Variants in CEP41 observed in about 807,000 individuals in gnomAD.
CEP41 encodes the protein centrosomal protein of 41 kDa.
In CEP41, 32 loss-of-function variants were observed where a neutral mutation model predicts 44.3. The ratio of observed to expected loss-of-function variants is 0.72; its 90% CI spans 0.54 to 0.97. The LOEUF (loss-of-function observed/expected upper bound fraction) is 0.97. CEP41 is among the 50% of genes least tolerant of loss of function. CEP41 has a pLI of 0.00. For synonymous variants in CEP41, 151 were observed against 168.5 expected (o/e 0.90, Z 0.80); for missense variants, 432 against 455.2 (o/e 0.95, Z 0.46).
chr7:130,441,058 C>T, upstream of CEP41: 1 of 1,407,382 alleles, frequency 7.1e-7, no homozygotes, highest in Non-Finnish European at 1.0e-6. Flanking sequence ...CAGCCGCCTC[C>T]CTATACCCTC....
Position 130,398,853 on chromosome 7 carries a change from G to C in CEP41, c.*38C>G, listed in dbSNP as rs782186720. The C allele has an allele frequency of 1.4e-5, 22 of 1,612,114 alleles. No individual in the cohort carries two copies. Among genetic ancestry groups the C allele is most frequent in the Non-Finnish European group, 1.9e-5 (22 of 1,178,190 alleles). On this transcript the variant is annotated 3_prime_UTR_variant, in exon 11 of 11. Transcript: ENST00000223208. Reference sequence around the variant, plus strand: ...GGGAAATGCTCAGGGGTTCTGAAAAGAGGAAGAACATTTATTTGCCTAAGT... The same window carrying C: ...GGGAAATGCTCAGGGGTTCTGAAAACAGGAAGAACATTTATTTGCCTAAGT...
At chr7:130,429,250 G>A (rs1441733138) in intron 1 of CEP41, among the ~76,000 whole-genome samples, 3 of 152,328 alleles carry the variant, frequency 2.0e-5, no homozygotes, top group Non-Finnish European at 2.9e-5. Flanking sequence ...TAGCTCCAGG[G>A]ATGTCGACCA....
chr7:130,403,633 C>T (rs1796920593), intron 6 of CEP41, among the ~76,000 whole-genome samples: 1 of 152,166 alleles, frequency 6.6e-6, no homozygotes, highest in Admixed American at 6.5e-5. Context: ...TATGCTAAAT[C>T]ACAGATTAGT....
At chr7:130,408,029 A>C (rs1440864369) in intron 5 of CEP41, among the ~76,000 whole-genome samples, 2 of 152,208 alleles carry the variant, frequency 1.3e-5, no homozygotes, top group African/African-American at 4.8e-5. Context: ...AATGCAAGTA[A>C]GATTAAATCG....
chr7:130,420,773 A>G (rs563859033), intron 2 of CEP41: 8 of 469,042 alleles, frequency 1.7e-5, no homozygotes, highest in African/African-American at 2.1e-5. Context: ...CTTCATCTCA[A>G]TAAATAAATA....
chr7:130,417,340 G>A, intron 2 of CEP41: 2 of 1,083,766 alleles, frequency 1.8e-6, no homozygotes, highest in Non-Finnish European at 2.2e-6. Context: ...CACAGAAGAG[G>A]AGCAAAAAGG....
chr7:130,422,070 C>A (rs1400976735), intron 2 of CEP41: 52 of 1,529,918 alleles, frequency 3.4e-5, no homozygotes, highest in Non-Finnish European at 4.2e-5. Context: ...CATGGCTGCA[C>A]TCAGTGTTTG....
intron 9 of CEP41, 84 bp from the exon 10 acceptor site, chr7:130,400,338 A>C (rs181188679): frequency 2.4e-5 from 22 of 932,306 alleles, no homozygotes; most frequent in Admixed American, 3.5e-5. Flanking sequence ...CATGTCTTCT[A>C]ATCTCTGGTC....
At chr7:130,427,844 A>T in intron 2 of CEP41, 111 bp downstream of exon 2, 2 of 730,780 alleles carry the variant, frequency 2.7e-6, no homozygotes, top group Non-Finnish European at 4.8e-6. Flanking sequence ...GACATCAGGC[A>T]AAACAGTGAG....
intron 2 of CEP41, chr7:130,421,834 C>T (rs535399505): frequency 7.1e-7 from 1 of 1,402,960 alleles, no homozygotes; most frequent in African/African-American, 1.4e-5. Flanking sequence ...TGGAAAGTGT[C>T]CCTTAATCAG....
chr7:130,397,846 C>T lies in CEP41; in HGVS notation c.*1045G>A, dbSNP rs1008134641. ...CCAAAACCAGAATCTATAATCACAACTTCCTAATCACAGTTCAGTCATGAG... is the reference window on the plus strand; with the variant it reads ...CCAAAACCAGAATCTATAATCACAATTTCCTAATCACAGTTCAGTCATGAG... On this transcript the variant is annotated 3_prime_UTR_variant, in exon 11 of 11. Coordinates refer to ENST00000223208, the MANE Select transcript of CEP41 (RefSeq NM_018718.3). The T allele has an allele frequency of 6.7e-6, 3 of 448,660 alleles. No individual in the cohort carries two copies. Among genetic ancestry groups the T allele is most frequent in the Non-Finnish European group, 1.4e-5 (3 of 222,028 alleles). The allele number at this position is 448,660 out of a possible 1,614,324, so 27.8% of individuals were successfully genotyped here. A position where few individuals can be genotyped will look rare whatever the true frequency, so the allele number is the denominator to read the frequency against.
In CEP41 at chr7:130,439,643, ATTGAC is replaced by A. The variant is rs1481888752; in HGVS notation, c.33+1286_33+1290del. The stretch of plus-strand genomic sequence containing the variant: ...ATCATGCAGCATTTAGACATTACCA[ATTGAC>A]CATGGCTCTCTTGCAGGGCTTAGAC... On this transcript the variant is annotated intron_variant, in intron 1 of 10. Coordinates refer to ENST00000223208, the MANE Select transcript of CEP41 (RefSeq NM_018718.3). Among the ~76,000 whole-genome samples the A allele has an allele frequency of 9.9e-5, 15 of 152,246 alleles. 1 individual carries two copies. The East Asian group carries it at 2.9e-3, about 29-fold the overall frequency.
rs1209111793 is a variant in CEP41, at chr7:130,440,667, G to A, written c.33+267C>T. ...AGACTGTAAGCCATTTGAGGGCAAG[G>A]GCTGTGTCTTTGGGTACTTCGCTCC... On this transcript the variant is annotated intron_variant, in intron 1 of 10. Coordinates refer to ENST00000223208, the MANE Select transcript of CEP41 (RefSeq NM_018718.3). The A allele has an allele frequency of 5.0e-6, 3 of 596,762 alleles. No individual in the cohort carries two copies. The African/African-American group carries it at 5.6e-5, about 11-fold the overall frequency. The allele number at this position is 596,762 out of a possible 1,614,324, so 37.0% of individuals were successfully genotyped here.
intron 2 of CEP41, among the ~76,000 whole-genome samples, chr7:130,417,927 T>C (rs1218386341): frequency 1.3e-5 from 2 of 152,234 alleles, no homozygotes; most frequent in African/African-American, 4.8e-5. Context: ...ACTGACATTT[T>C]CAAGGACTAT....
Position 130,412,223 on chromosome 7 carries a change from CT to C in CEP41, c.162del (p.Asp55MetfsTer7). The C allele has an allele frequency of 6.5e-6, 10 of 1,545,008 alleles. No individual in the cohort carries two copies. Among genetic ancestry groups the C allele is most frequent in the Non-Finnish European group, 8.9e-6 (10 of 1,117,362 alleles). On this transcript the variant is annotated frameshift_variant, in exon 4 of 11. Transcript: ENST00000223208. LOFTEE classifies it high-confidence loss of function. ...EEIKKNYRYK[K>X]DELFKRLKVT... ...ACTTTTAGTCTCTTGAAAAGCTCATCTTTTTTGTATCTATAATCTGAAAAAT... is the reference window on the plus strand; with the variant it reads ...ACTTTTAGTCTCTTGAAAAGCTCATCTTTTTGTATCTATAATCTGAAAAAT...
At chr7:130,428,844 G>A (rs939327311) in intron 1 of CEP41, among the ~76,000 whole-genome samples, 1 of 151,644 alleles carries the variant, frequency 6.6e-6, no homozygotes, top group Non-Finnish European at 1.5e-5. Context: ...CCAGGAGGCG[G>A]AGGTTGCGGT....
chr7:130,424,905 T>C lies in CEP41; in HGVS notation c.97+3050A>G, dbSNP rs1187676060. On this transcript the variant is annotated intron_variant, in intron 2 of 10. Transcript: ENST00000223208. ...TCTTCCAAAGACCCTGTTAAGAGGA[T>C]GAAAAGACAAGTTATGAACTAGGAA... Among the ~76,000 whole-genome samples the C allele has an allele frequency of 3.3e-5, 5 of 152,072 alleles. No individual in the cohort carries two copies. The East Asian group carries it at 7.7e-4, about 23-fold the overall frequency.
chr7:130,430,970 C>G (rs1052224903), intron 1 of CEP41, among the ~76,000 whole-genome samples: 2 of 152,048 alleles, frequency 1.3e-5, no homozygotes, highest in Admixed American at 1.3e-4. Context: ...AGAGTGTGGA[C>G]AGCTGCAGTG....
intron 2 of CEP41, among the ~76,000 whole-genome samples, chr7:130,422,273 T>A (rs1272717789): frequency 6.6e-6 from 1 of 152,212 alleles, no homozygotes; most frequent in Admixed American, 6.5e-5. Context: ...GACCCATCTA[T>A]TTAGCCTAAA....
Sources: allele counts gnomAD v4.1 joint callset (sites outside exome capture counted in the v4.1 genomes callset), GRCh38; gene constraint gnomAD v4.1.1; transcripts MANE v1.5; gene names NCBI Gene and HGNC (gene_info 2026-07-23, HGNC 2026-07-21).